ITGBL1: variants seen among roughly 807,000 people sequenced by gnomAD.
ITGBL1 encodes the protein integrin subunit beta like 1, also known as integrin beta-like protein 1.
Under a neutral mutation model 68.5 loss-of-function variants are expected in ITGBL1, and 51 were observed. The observed-to-expected ratio is 0.74, with a 90% CI of 0.59 to 0.94. The LOEUF (loss-of-function observed/expected upper bound fraction) is 0.94, where lower values mean the gene tolerates loss of function less well. Ranked by LOEUF, ITGBL1 falls within the 40% of genes least tolerant of loss-of-function variation. The pLI, the probability that ITGBL1 is intolerant of heterozygous loss-of-function variation, is 0.00. For synonymous variants in ITGBL1, 209 were observed against 227.3 expected (o/e 0.92, Z 0.72); for missense variants, 649 against 647.4 (o/e 1.00, Z -0.03).
At chr13:101,654,592 T>C (rs989746963) in intron 7 of ITGBL1, among the ~76,000 whole-genome samples, 1 of 152,274 alleles carries the variant, frequency 6.6e-6, no homozygotes, top group Non-Finnish European at 1.5e-5. Flanking sequence ...ACAGAAGGCA[T>C]TGAGGAGCTG....
intron 7 of ITGBL1, among the ~76,000 whole-genome samples, chr13:101,665,279 CT>C (rs1191337064): frequency 6.6e-6 from 1 of 151,888 alleles, no homozygotes; most frequent in Admixed American, 6.6e-5. Context: ...TATAGCCTTC[CT>C]TTTTATTTGT....
intron 2 of ITGBL1, among the ~76,000 whole-genome samples, chr13:101,531,614 G>T (rs2049478195): frequency 7.3e-6 from 1 of 137,028 alleles, no homozygotes; most frequent in South Asian, 2.5e-4. Flanking sequence ...TTTTTTGGGG[G>T]GAGGGGATTT....
At chr13:101,619,858 A>G (rs2031514565) in intron 7 of ITGBL1, among the ~76,000 whole-genome samples, 1 of 152,194 alleles carries the variant, frequency 6.6e-6, no homozygotes, top group African/African-American at 2.4e-5. Context: ...TAGTTGAGAT[A>G]TGATTTTCTT....
chr13:101,695,446 G>T (rs2033980143), intron 8 of ITGBL1, among the ~76,000 whole-genome samples: 1 of 152,146 alleles, frequency 6.6e-6, no homozygotes, highest in South Asian at 2.1e-4. Context: ...ATAACTTGAG[G>T]CTTTACTCTA....
chr13:101,491,878 T>C (rs561520388), intron 2 of ITGBL1, among the ~76,000 whole-genome samples: 2 of 152,236 alleles, frequency 1.3e-5, no homozygotes, highest in African/African-American at 4.8e-5. Flanking sequence ...CATGCAGTGT[T>C]GGTGTTTGGA....
At chr13:101,472,372 A>G (rs1179202106) in intron 2 of ITGBL1, among the ~76,000 whole-genome samples, 1 of 152,204 alleles carries the variant, frequency 6.6e-6, no homozygotes, top group African/African-American at 2.4e-5. Flanking sequence ...TTATATGCAC[A>G]TTCAGTAAGC....
chr13:101,683,097 T>G (rs1205382083), intron 7 of ITGBL1, among the ~76,000 whole-genome samples: 1 of 152,106 alleles, frequency 6.6e-6, no homozygotes, highest in Non-Finnish European at 1.5e-5. Flanking sequence ...ATTTATAGCA[T>G]TATGAATCAT....
Position 101,521,204 on chromosome 13 carries a change from ATTCACTCATTATTTCACTTC to A in ITGBL1, c.317-46490_317-46471del, listed in dbSNP as rs1158889785. ...TTGGAAAGTTATTCCTCATCCTTTT[ATTCACTCATTATTTCACTTC>A]TTCATTCATTTCCAAGCATTTTTCT... On this transcript the variant is annotated intron_variant, in intron 2 of 10. Coordinates refer to ENST00000376180, the MANE Select transcript of ITGBL1 (RefSeq NM_004791.3). 4.6e-5 allele frequency among the ~76,000 whole-genome samples: 7 copies of A among 152,308 alleles called. No individual in the cohort carries two copies. In the East Asian group the frequency reaches 1.4e-3, roughly 29 times the overall value.
intron 2 of ITGBL1, among the ~76,000 whole-genome samples, chr13:101,547,460 T>C (rs560975814): frequency 2.6e-5 from 4 of 151,998 alleles, no homozygotes; most frequent in Admixed American, 1.3e-4. Flanking sequence ...AAAATACAGC[T>C]TTTTTCCTTA....
At chr13:101,589,791 T>C (rs1343766686) in intron 6 of ITGBL1, among the ~76,000 whole-genome samples, 1 of 152,182 alleles carries the variant, frequency 6.6e-6, no homozygotes, top group Non-Finnish European at 1.5e-5. Flanking sequence ...CCAGCTTTGC[T>C]TATAGTTGGC....
At chr13:101,710,060 A>G (rs1287787398) in intron 9 of ITGBL1, among the ~76,000 whole-genome samples, 3 of 152,246 alleles carry the variant, frequency 2.0e-5, no homozygotes, top group Admixed American at 6.5e-5. Context: ...AACAAAGCCA[A>G]AGAGTCCCTC....
chr13:101,641,004 A>G (rs1001146647), intron 7 of ITGBL1, among the ~76,000 whole-genome samples: 1 of 151,710 alleles, frequency 6.6e-6, no homozygotes, highest in Admixed American at 6.6e-5. Context: ...GGCACTTATG[A>G]CTAAAGGTTT....
chr13:101,702,098 C>T (rs1333930458), intron 8 of ITGBL1, among the ~76,000 whole-genome samples: 11 of 152,110 alleles, frequency 7.2e-5, no homozygotes, highest in Admixed American at 7.2e-4. Context: ...TAGATTGTGT[C>T]TTCACGGAAT....
intron 6 of ITGBL1, among the ~76,000 whole-genome samples, chr13:101,595,185 C>G (rs1305933073): frequency 6.6e-6 from 1 of 152,182 alleles, no homozygotes; most frequent in African/African-American, 2.4e-5. Flanking sequence ...CTGGTGAGGT[C>G]TCAGGAAGCT....
intron 2 of ITGBL1, among the ~76,000 whole-genome samples, chr13:101,505,462 C>T (rs1477617296): frequency 1.3e-5 from 2 of 152,004 alleles, no homozygotes; most frequent in South Asian, 4.2e-4. Flanking sequence ...GCCCTGGGGA[C>T]CCTAAACAGG....
intron 7 of ITGBL1, among the ~76,000 whole-genome samples, chr13:101,627,069 G>T (rs892876565): frequency 1.3e-5 from 2 of 152,110 alleles, no homozygotes; most frequent in Non-Finnish European, 2.9e-5. Flanking sequence ...TAAAACACGA[G>T]AATTAAATAA....
At chr13:101,708,805 G>A (rs969721361) in intron 9 of ITGBL1, among the ~76,000 whole-genome samples, 5 of 152,194 alleles carry the variant, frequency 3.3e-5, no homozygotes, top group African/African-American at 9.7e-5. Context: ...CAATGCTCAG[G>A]CAAGGAGGCC....
chr13:101,458,290 T>G (rs1304275014), intron 2 of ITGBL1, among the ~76,000 whole-genome samples: 2 of 152,192 alleles, frequency 1.3e-5, no homozygotes, highest in Non-Finnish European at 2.9e-5. Flanking sequence ...ACTGGGAGAT[T>G]TTTTAATCCA....
chr13:101,478,089 A>G (rs1168865714), intron 2 of ITGBL1, among the ~76,000 whole-genome samples: 1 of 152,130 alleles, frequency 6.6e-6, no homozygotes, highest in Non-Finnish European at 1.5e-5. Flanking sequence ...ATCCTCAACA[A>G]AATACTAGCA....
Sources: gnomAD v4.1 joint callset for allele counts (sites outside exome capture counted in the v4.1 genomes callset) on GRCh38, gnomAD v4.1.1 for gene constraint, MANE v1.5 for transcripts, NCBI Gene and HGNC (gene_info 2026-07-23, HGNC 2026-07-21) for gene names.